DPP10: variants seen among roughly 807,000 people sequenced by gnomAD.
DPP10 encodes dipeptidyl peptidase like 10.
A neutral mutation model predicts 120.9 loss-of-function variants in DPP10; 33 were observed. The observed-to-expected ratio is 0.27, with a 90% confidence interval of 0.21 to 0.37. DPP10 has a LOEUF of 0.37. Among genes scored for constraint, DPP10 ranks in the 10% least tolerant of loss-of-function variants. DPP10 has a pLI of 1.00. For missense variants in DPP10, 816 were observed against 942.8 expected (o/e 0.87, Z 1.76); for synonymous variants, 337 against 326.1 (o/e 1.03, Z -0.36).
At chr2:115,715,166 T>C (rs1327631818) in intron 7 of DPP10, among the ~76,000 whole-genome samples, 2 of 150,078 alleles carry the variant, frequency 1.3e-5, no homozygotes, top group African/African-American at 4.9e-5. Flanking sequence ...ATGGAGAAAC[T>C]CTGTCTCTAC....
At chr2:115,040,493 A>C (rs1286604587) in intron 1 of DPP10, among the ~76,000 whole-genome samples, 1 of 152,022 alleles carries the variant, frequency 6.6e-6, no homozygotes, top group Admixed American at 6.6e-5. Context: ...AGAGGAAAGA[A>C]GAAGGACTTT....
intron 1 of DPP10, among the ~76,000 whole-genome samples, chr2:114,667,746 G>T (rs73949003): frequency 5.3e-5 from 8 of 152,080 alleles, no homozygotes; most frequent in Non-Finnish European, 5.9e-5. Flanking sequence ...AGAAACTTAC[G>T]TTTTTACAAA....
intron 3 of DPP10, among the ~76,000 whole-genome samples, chr2:115,372,768 G>A (rs189408924): frequency 1.3e-5 from 2 of 152,304 alleles, no homozygotes; most frequent in African/African-American, 2.4e-5. Context: ...TAATGTAAGC[G>A]TTGCACCTGA....
At chr2:114,459,912 G>T (rs1347674805) in intron 1 of DPP10, among the ~76,000 whole-genome samples, 2 of 152,128 alleles carry the variant, frequency 1.3e-5, no homozygotes, top group African/African-American at 4.8e-5. Context: ...TGGCTGCTAT[G>T]GTCCGTGTGG....
chr2:115,442,232 A>G (rs1273542229), intron 3 of DPP10, among the ~76,000 whole-genome samples: 1 of 152,074 alleles, frequency 6.6e-6, no homozygotes, highest in African/African-American at 2.4e-5. Context: ...TAGTTTTGGT[A>G]GGCCCAAAGC....
intron 7 of DPP10, among the ~76,000 whole-genome samples, chr2:115,694,952 T>A (rs1477238134): frequency 6.6e-6 from 1 of 152,176 alleles, no homozygotes; most frequent in East Asian, 1.9e-4. Flanking sequence ...TTATTGCCCC[T>A]TCTCATTATG....
At chr2:114,589,778 C>A (rs900862968) in intron 1 of DPP10, among the ~76,000 whole-genome samples, 3 of 146,756 alleles carry the variant, frequency 2.0e-5, no homozygotes, top group Non-Finnish European at 3.0e-5. Context: ...TCTCTTTTCC[C>A]AAAACTATGT....
intron 21 of DPP10, among the ~76,000 whole-genome samples, chr2:115,820,794 G>GGTGT (rs763942579): frequency 0.013 from 1,460 of 112,708 alleles, 37 homozygotes; most frequent in African/African-American, 0.037. Flanking sequence ...AGTATTCCAT[G>GGTGT]GTGTATGTGT....
chr2:114,726,553 T>A (rs1702062822), intron 1 of DPP10, among the ~76,000 whole-genome samples: 1 of 152,234 alleles, frequency 6.6e-6, no homozygotes, highest in Non-Finnish European at 1.5e-5. Context: ...TCATATTCAT[T>A]TTTGCACTGA....
chr2:115,377,204 C>G (rs1156346999), intron 3 of DPP10, among the ~76,000 whole-genome samples: 2 of 151,924 alleles, frequency 1.3e-5, no homozygotes, highest in African/African-American at 4.8e-5. Context: ...CACATCCTCT[C>G]CAGCACCTGT....
At chr2:115,235,798 T>C (rs1454300254) in intron 1 of DPP10, among the ~76,000 whole-genome samples, 2 of 152,170 alleles carry the variant, frequency 1.3e-5, no homozygotes, top group Non-Finnish European at 2.9e-5. Context: ...TGGCCTCTGG[T>C]GATCCACCCA....
Position 115,440,093 on chromosome 2 carries a change from C to T in DPP10, c.272-59417C>T, listed in dbSNP as rs183973066. Among the ~76,000 whole-genome samples the T allele has an allele frequency of 1.3e-3, 192 of 151,560 alleles. 1 individual carries two copies. The highest frequency in any genetic ancestry group is 4.6e-3 in the African/African-American group (189 of 41,288). On this transcript the variant is annotated intron_variant, in intron 3 of 25. Transcript: ENST00000410059. ...AGCATTTTTTTTTCTTAGTATGATG[C>T]CTATGAGAAAAACTACCTGCCTTGG...
intron 3 of DPP10, among the ~76,000 whole-genome samples, chr2:115,375,823 A>T (rs948821832): frequency 6.6e-6 from 1 of 152,152 alleles, no homozygotes; most frequent in African/African-American, 2.4e-5. Flanking sequence ...AACCATCAGA[A>T]CTCATGAGAA....
At chr2:115,131,343 T>C (rs2050347408) in intron 1 of DPP10, among the ~76,000 whole-genome samples, 1 of 152,112 alleles carries the variant, frequency 6.6e-6, no homozygotes. Context: ...GGCGAGACCC[T>C]GTCTCTACAA....
chr2:115,292,163 C>G (rs1198144024), intron 1 of DPP10, among the ~76,000 whole-genome samples: 1 of 152,076 alleles, frequency 6.6e-6, no homozygotes, highest in Non-Finnish European at 1.5e-5. Flanking sequence ...TTAATTACTG[C>G]TCTTTAAGCC....
intron 1 of DPP10, among the ~76,000 whole-genome samples, chr2:115,110,443 G>A (rs1400904028): frequency 6.6e-6 from 1 of 152,128 alleles, no homozygotes; most frequent in African/African-American, 2.4e-5. Flanking sequence ...ATCTATAAAT[G>A]ACTTGTGCTT....
intron 1 of DPP10, among the ~76,000 whole-genome samples, chr2:114,537,763 T>C (rs1051688581): frequency 1.3e-5 from 2 of 152,098 alleles, no homozygotes; most frequent in African/African-American, 4.8e-5. Flanking sequence ...CAATGTAGAG[T>C]TATTTTTCTG....
At chr2:115,547,562 C>T (rs1293486851) in intron 5 of DPP10, among the ~76,000 whole-genome samples, 1 of 152,006 alleles carries the variant, frequency 6.6e-6, no homozygotes, top group African/African-American at 2.4e-5. Flanking sequence ...CTCTTGGGCT[C>T]AGGTGTTCAA....
intron 1 of DPP10, among the ~76,000 whole-genome samples, chr2:114,448,761 C>T (rs1678089103): frequency 6.6e-6 from 1 of 152,152 alleles, no homozygotes. Flanking sequence ...TATTAAGTAA[C>T]ATGAATTCTG....
Sources: allele counts gnomAD v4.1 joint callset (sites outside exome capture counted in the v4.1 genomes callset), GRCh38; gene constraint gnomAD v4.1.1; transcripts MANE v1.5; gene names NCBI Gene and HGNC (gene_info 2026-07-23, HGNC 2026-07-21).